The following AVEN variants were observed in gnomAD, a reference collection of about 807,000 sequenced individuals.
AVEN encodes cell death regulator Aven.
AVEN carries 41 observed loss-of-function variants against 38.1 expected under a neutral mutation model. The observed-to-expected ratio is 1.08, with a 90% CI of 0.84 to 1.40. The LOEUF (loss-of-function observed/expected upper bound fraction) is 1.40, where lower values mean the gene tolerates loss of function less well. Ranked by LOEUF, AVEN falls within the 40% of genes most tolerant of loss-of-function variation. The pLI, the probability that AVEN is intolerant of heterozygous loss-of-function variation, is 0.00. For synonymous variants in AVEN, 206 were observed against 171.8 expected, an observed-to-expected ratio of 1.20 and a Z score of -1.56; for missense variants, 605 against 438.8, an observed-to-expected ratio of 1.38 and a Z score of -3.38.
chr15:34,000,134 C>A (rs1023568018), intron 2 of AVEN, among the ~76,000 whole-genome samples: 3 of 152,152 alleles, frequency 2.0e-5, no homozygotes, highest in Admixed American at 1.3e-4. Context: ...GATCTTTGCT[C>A]AAATGTTATA....
At chr15:34,043,424 T>C (rs986339542), upstream of AVEN, among the ~76,000 whole-genome samples, 2 of 152,182 alleles carry the variant, frequency 1.3e-5, no homozygotes, top group African/African-American at 4.8e-5. Context: ...GTTTAGCTAG[T>C]TTCTCGTGCT....
At chr15:33,884,867 A>G (rs1891640727) in intron 2 of AVEN, among the ~76,000 whole-genome samples, 1 of 151,970 alleles carries the variant, frequency 6.6e-6, no homozygotes, top group Admixed American at 6.6e-5. Flanking sequence ...CTACCACCCA[A>G]TTCTGATCAT....
intron 5 of AVEN, among the ~76,000 whole-genome samples, chr15:34,048,156 G>GT (rs1386282841): frequency 6.6e-6 from 1 of 152,284 alleles, no homozygotes; most frequent in Admixed American, 6.5e-5. Flanking sequence ...GATTACAGGC[G>GT]TAAGCCACCA....
intron 1 of AVEN, among the ~76,000 whole-genome samples, chr15:34,036,077 C>T (rs1054827002): frequency 7.9e-5 from 12 of 151,372 alleles, no homozygotes; most frequent in African/African-American, 2.7e-4. Context: ...ATTACAAGCG[C>T]GAGCCACCAC....
intron 11 of AVEN, among the ~76,000 whole-genome samples, chr15:33,859,387 T>C (rs965377357): frequency 5.3e-5 from 8 of 152,334 alleles, no homozygotes; most frequent in Middle Eastern, 3.4e-3. Context: ...TCCATCTTTG[T>C]AGATATCAAA....
chr15:33,928,114 C>T (rs1350880397), intron 2 of AVEN, among the ~76,000 whole-genome samples: 1 of 152,214 alleles, frequency 6.6e-6, no homozygotes, highest in Non-Finnish European at 1.5e-5. Context: ...GCTAAAGATT[C>T]AGCTCTTTTC....
chr15:33,982,062 T>G (rs906483723), intron 2 of AVEN, among the ~76,000 whole-genome samples: 4 of 151,852 alleles, frequency 2.6e-5, no homozygotes, highest in African/African-American at 9.7e-5. Flanking sequence ...AGACAAGATT[T>G]CACCACACTG....
At chr15:33,987,575 T>C (rs910232291) in intron 2 of AVEN, among the ~76,000 whole-genome samples, 2 of 152,152 alleles carry the variant, frequency 1.3e-5, no homozygotes, top group East Asian at 3.9e-4. Context: ...CAGCGAACAA[T>C]GGTTTTTTTC....
intron 2 of AVEN, among the ~76,000 whole-genome samples, chr15:33,938,756 A>T (rs1160979814): frequency 2.0e-5 from 3 of 152,254 alleles, no homozygotes; most frequent in African/African-American, 7.2e-5. Flanking sequence ...TTATAAATTT[A>T]AAAACTCCAG....
At chr15:33,869,588 A>G (rs1157675407) in intron 4 of AVEN, among the ~76,000 whole-genome samples, 1 of 152,082 alleles carries the variant, frequency 6.6e-6, no homozygotes, top group Non-Finnish European at 1.5e-5. Context: ...CCCCAGGGCA[A>G]TCCCCCATCA....
chr15:33,888,776 G>C (rs1413701124), intron 2 of AVEN, among the ~76,000 whole-genome samples: 1 of 152,042 alleles, frequency 6.6e-6, no homozygotes, highest in African/African-American at 2.4e-5. Context: ...GTGTGAGATG[G>C]AGTCTCACTC....
At chr15:33,871,968 A>G (rs1890979483) in intron 3 of AVEN, among the ~76,000 whole-genome samples, 1 of 152,226 alleles carries the variant, frequency 6.6e-6, no homozygotes, top group African/African-American at 2.4e-5. Context: ...TACATGTTTT[A>G]AAGTATTCGG....
At chr15:33,898,348 G>A (rs147209882) in intron 2 of AVEN, among the ~76,000 whole-genome samples, 1 of 152,292 alleles carries the variant, frequency 6.6e-6, no homozygotes, top group East Asian at 1.9e-4. Context: ...CCTTGTACAG[G>A]ACCACAAAGT....
At chr15:34,037,306 A>G (rs1899189550) in intron 1 of AVEN, among the ~76,000 whole-genome samples, 1 of 152,008 alleles carries the variant, frequency 6.6e-6, no homozygotes, top group Non-Finnish European at 1.5e-5. Context: ...CAGCTAAGGA[A>G]TATCTACTTT....
At chr15:33,917,525 GTATATA>G (rs34540122) in intron 2 of AVEN, among the ~76,000 whole-genome samples, 24 of 145,878 alleles carry the variant, frequency 1.6e-4, no homozygotes, top group African/African-American at 4.3e-4. Flanking sequence ...ACACATACGT[GTATATA>G]TATATATATA....
intron 1 of AVEN, among the ~76,000 whole-genome samples, chr15:34,033,054 C>A (rs1898936675): frequency 6.6e-6 from 1 of 152,072 alleles, no homozygotes; most frequent in Admixed American, 6.5e-5. Flanking sequence ...TTTATGTGAA[C>A]AATGTTTCTC....
rs992667939 is a variant in AVEN at position 33,990,185 on chromosome 15, C to A, written c.445+12847G>T. Among the ~76,000 whole-genome samples, 15 of 151,346 alleles carry A rather than the reference C, an allele frequency of 9.9e-5. 1 individual carries two copies. In the East Asian group the frequency reaches 2.9e-3, roughly 29 times the overall value. On this transcript the variant is annotated intron_variant, in intron 2 of 5. Transcript: ENST00000306730. ...CATCGTTGCAATCCAGACTGGGCAA[C>A]AGGGTGAGACTCCGTCTCAAAAAAA...
intron 2 of AVEN, among the ~76,000 whole-genome samples, chr15:33,945,688 C>T (rs547342985): frequency 2.2e-4 from 34 of 152,090 alleles, no homozygotes; most frequent in Non-Finnish European, 3.7e-4. Flanking sequence ...CGAGTTCAAG[C>T]GAGTCCCCTG....
chr15:34,004,481 G>T (rs971815959), intron 1 of AVEN, among the ~76,000 whole-genome samples: 3 of 152,176 alleles, frequency 2.0e-5, no homozygotes, highest in Non-Finnish European at 4.4e-5. Flanking sequence ...GAACAATCTA[G>T]AGAAAATAAT....
Sources: gnomAD v4.1 joint callset for allele counts (sites outside exome capture counted in the v4.1 genomes callset) on GRCh38, gnomAD v4.1.1 for gene constraint, MANE v1.5 for transcripts, NCBI Gene and HGNC (gene_info 2026-07-23, HGNC 2026-07-21) for gene names.